Variants in GALNT9 observed in about 807,000 individuals in gnomAD.
GALNT9 encodes the protein polypeptide N-acetylgalactosaminyltransferase 9.
In GALNT9, 47 loss-of-function variants were observed where a neutral mutation model predicts 63.1. That is an observed-to-expected ratio of 0.75 (90% confidence interval 0.59 to 0.95). GALNT9 has a LOEUF of 0.95. Ranked by LOEUF, GALNT9 falls within the 40% of genes least tolerant of loss-of-function variation. The pLI is 0.00. For missense variants in GALNT9, 829 were observed against 874.8 expected (o/e 0.95, Z 0.66); for synonymous variants, 396 against 365.7 (o/e 1.08, Z -0.94).
chr12:132,285,325 C>A (rs563695605), intron 2 of GALNT9, among the ~76,000 whole-genome samples: 1 of 152,286 alleles, frequency 6.6e-6, no homozygotes, highest in Non-Finnish European at 1.5e-5. Context: ...CTGGGCTCTG[C>A]GGACAGAGAC....
At chr12:132,239,098 T>C (rs1555236594) in intron 6 of GALNT9, among the ~76,000 whole-genome samples, 1 of 151,678 alleles carries the variant, frequency 6.6e-6, no homozygotes, top group Non-Finnish European at 1.5e-5. Flanking sequence ...CGGGGGTACT[T>C]TTCAGGATGA....
intron 1 of GALNT9, among the ~76,000 whole-genome samples, chr12:132,323,737 C>G (rs1868908281): frequency 6.6e-6 from 1 of 152,256 alleles, no homozygotes; most frequent in Admixed American, 6.5e-5. Context: ...AGTGGGGGCT[C>G]TGGCCGTGGG....
chr12:132,259,046 A>T (rs1879264940), intron 4 of GALNT9, among the ~76,000 whole-genome samples: 1 of 152,234 alleles, frequency 6.6e-6, no homozygotes. Context: ...CCTTCTGAGC[A>T]TGAGGCCTGG....
chr12:132,286,273 G>C lies in GALNT9; in HGVS notation c.396C>G (p.Ser132Arg). 1 of 1,551,162 alleles carries C rather than the reference G, an allele frequency of 6.4e-7. No homozygotes were observed. Among genetic ancestry groups the C allele is most frequent in the South Asian group, 1.2e-5 (1 of 84,050 alleles). Reference sequence around the variant, plus strand: ...ACTTTCTGGGCCGGTAGTCGGGGATGCTCCGATCGAGGGAGATGCGGTCGC... The same window carrying C: ...ACTTTCTGGGCCGGTAGTCGGGGATCCTCCGATCGAGGGAGATGCGGTCGC... ...QLSDRISLDR[S>R]IPDYRPRKCR... is the part of the protein sequence containing the mutation. Residue 132 changes from serine to arginine, a missense_variant, in exon 2 of 11, where the codon AGC becomes AGG. By Grantham distance (110) the Ser-to-Arg change is moderately radical (BLOSUM62 -1). Transcript: ENST00000328957. The surrounding 1 kb of genome is among the most constrained non-coding windows in gnomAD (Gnocchi z 7.4).
chr12:132,328,836 C>T (rs1869155627), intron 1 of GALNT9, 130 bp downstream of exon 1: 4 of 1,168,746 alleles, frequency 3.4e-6, no homozygotes, highest in Non-Finnish European at 4.5e-6. Flanking sequence ...TCCCTCTCCT[C>T]TCTCCTGTAT....
At position 132,316,347 on chromosome 12, in the gene GALNT9, A is replaced by T. The variant is rs918347548; in HGVS notation, c.238+12619T>A. Among the ~76,000 whole-genome samples the T allele has an allele frequency of 2.7e-4, 41 of 152,090 alleles. No homozygotes were observed. The highest frequency in any genetic ancestry group is 9.9e-4 in the African/African-American group (41 of 41,406). On this transcript the variant is annotated intron_variant, in intron 1 of 10. Coordinates refer to ENST00000328957, the MANE Select transcript of GALNT9 (RefSeq NM_001122636.2). This position sits in a 1 kb window ranked among gnomAD's most constrained non-coding sequence, Gnocchi z 4.3. ...TTTCACGATGCATTTTTATGCCCCT[A>T]TTCTGGGAGGAAACAGAGATCCCCT...
intron 2 of GALNT9, among the ~76,000 whole-genome samples, chr12:132,285,692 G>A (rs1326970848): frequency 2.0e-5 from 3 of 152,236 alleles, no homozygotes; most frequent in Non-Finnish European, 2.9e-5. Context: ...GACACAGGGC[G>A]CCTCTGCTGC....
At chr12:132,271,322 G>A (rs1480968994) in intron 2 of GALNT9, among the ~76,000 whole-genome samples, 3 of 152,192 alleles carry the variant, frequency 2.0e-5, no homozygotes, top group East Asian at 1.9e-4. Context: ...ACGCTGCCAC[G>A]CCCCGCCCGG....
chr12:132,222,502 G>A (rs1285565149), intron 6 of GALNT9, among the ~76,000 whole-genome samples: 1 of 152,064 alleles, frequency 6.6e-6, no homozygotes, highest in African/African-American at 2.4e-5. Context: ...CAGGGAAAGC[G>A]CTTGGTCACA....
chr12:132,206,789 G>A (rs1263725890), intron 6 of GALNT9, among the ~76,000 whole-genome samples: 1 of 152,206 alleles, frequency 6.6e-6, no homozygotes, highest in Non-Finnish European at 1.5e-5. Flanking sequence ...GGCAAATGTG[G>A]AGATGGCGGC....
chr12:132,221,518 T>TGTG (rs1328614274), intron 6 of GALNT9, among the ~76,000 whole-genome samples: 17 of 140,358 alleles, frequency 1.2e-4, no homozygotes, highest in African/African-American at 4.5e-4. Flanking sequence ...ATTAGCTGGG[T>TGTG]GTGGTGGTGG....
At chr12:132,302,229 T>TACACAC (rs56317485) in intron 1 of GALNT9, among the ~76,000 whole-genome samples, 38,149 of 143,602 alleles carry the variant, frequency 0.27, 5,269 homozygotes, top group Non-Finnish European at 0.32. Context: ...TAGAAAATTC[T>TACACAC]ACACACACAC....
rs544219030 is a variant in GALNT9, at chr12:132,210,000, C to T, written c.1078-6310G>A. On this transcript the variant is annotated intron_variant, in intron 6 of 10. Coordinates refer to ENST00000328957, the MANE Select transcript of GALNT9 (RefSeq NM_001122636.2). ...CCCGAATTCTGCCTTGTACAAGATC[C>T]AAGAGGCCTCTCTTGGGGTCTGGAT... 2.5e-3 allele frequency among the ~76,000 whole-genome samples: 380 copies of T among 152,328 alleles called. 3 individuals carry two copies. Among genetic ancestry groups the T allele is most frequent in the African/African-American group, 8.7e-3 (361 of 41,564 alleles).
rs748539126 is a variant in GALNT9 at position 132,288,310 on chromosome 12, A to C, written c.239-1880T>G. The stretch of plus-strand genomic sequence containing the variant: ...AATATTCCATTTTAAATGAGTAAAC[A>C]AAGTGTCCGTATTTATGTAGGACTG... On this transcript the variant is annotated intron_variant, in intron 1 of 10. Coordinates refer to ENST00000328957, the MANE Select transcript of GALNT9 (RefSeq NM_001122636.2). Among the ~76,000 whole-genome samples the C allele has an allele frequency of 1.3e-4, 20 of 152,372 alleles. No homozygotes were observed. The South Asian group carries it at 2.1e-3, about 16-fold the overall frequency.
intron 5 of GALNT9, among the ~76,000 whole-genome samples, chr12:132,253,572 A>T: frequency 6.6e-6 from 1 of 152,302 alleles, no homozygotes; most frequent in South Asian, 2.1e-4. Context: ...AATGATTAAT[A>T]ATGTTTATAA....
chr12:132,241,200 C>A (rs2136900990), intron 6 of GALNT9, among the ~76,000 whole-genome samples: 1 of 115,356 alleles, frequency 8.7e-6, no homozygotes, highest in African/African-American at 3.6e-5. Flanking sequence ...ATCCCCATTA[C>A]ACACACAACA....
At chr12:132,215,373 G>A (rs921430986) in intron 6 of GALNT9, among the ~76,000 whole-genome samples, 12 of 152,246 alleles carry the variant, frequency 7.9e-5, no homozygotes, top group South Asian at 6.2e-4. Flanking sequence ...CGCGGCGCCC[G>A]GCACCGCCTG....
intron 5 of GALNT9, among the ~76,000 whole-genome samples, chr12:132,249,968 C>T (rs1212882863): frequency 6.6e-6 from 1 of 152,142 alleles, no homozygotes; most frequent in Non-Finnish European, 1.5e-5. Context: ...CCCGCACCTG[C>T]CCTCCAGTTC....
intron 1 of GALNT9, among the ~76,000 whole-genome samples, chr12:132,301,611 C>T (rs544658396): frequency 3.3e-5 from 5 of 152,358 alleles, no homozygotes; most frequent in East Asian, 3.9e-4. Flanking sequence ...GCCTGGTGGC[C>T]GCGGAAAAGG....
Sources: allele counts gnomAD v4.1 joint callset (sites outside exome capture counted in the v4.1 genomes callset), GRCh38; gene constraint gnomAD v4.1.1; non-coding constraint Gnocchi (gnomAD v3.1); transcripts MANE v1.5; gene names NCBI Gene and HGNC (gene_info 2026-07-23, HGNC 2026-07-21).